Variants in SCLT1 observed in about 807,000 individuals in gnomAD.
SCLT1 encodes sodium channel and clathrin linker 1, also known as sodium channel-associated protein 1.
SCLT1 carries 78 observed loss-of-function variants against 112.8 expected under a neutral mutation model. The ratio of observed to expected loss-of-function variants is 0.69; its 90% CI spans 0.58 to 0.83. The LOEUF is 0.83. SCLT1 is among the 40% of genes least tolerant of loss of function. The probability of loss-of-function intolerance (pLI) is 0.00; values close to 1 mark genes in which losing one functional copy is unlikely to be tolerated. For missense variants in SCLT1, 747 were observed against 770.4 expected (o/e 0.97, Z 0.36); for synonymous variants, 257 against 254.7 (o/e 1.01, Z -0.09).
intron 1 of SCLT1, among the ~76,000 whole-genome samples, chr4:129,086,182 T>A (rs561039049): frequency 3.5e-4 from 54 of 152,178 alleles, no homozygotes; most frequent in Non-Finnish European, 6.5e-4. Flanking sequence ...CTTTCAATCT[T>A]CATAGATTGA....
intron 18 of SCLT1, among the ~76,000 whole-genome samples, chr4:128,933,174 C>CA (rs1186306864): frequency 6.6e-5 from 10 of 152,062 alleles, no homozygotes; most frequent in African/African-American, 2.4e-4. Flanking sequence ...TTGGAGGCTT[C>CA]ACACTAGGGC....
Position 128,884,189 on chromosome 4 carries a change from C to T in SCLT1, c.*288G>A, listed in dbSNP as rs1046362695. On this transcript the variant is annotated 3_prime_UTR_variant, in exon 21 of 21. Transcript: ENST00000281142. ...TGCATAGTTTGAAAATTATTATGTC[C>T]TTTCAAGGGAAAAAGGAGGAATTAA... 5 of 263,244 alleles carry T rather than the reference C, an allele frequency of 1.9e-5. No individual in the cohort carries two copies. The highest frequency in any genetic ancestry group is 1.4e-4 in the East Asian group (2 of 14,396). The allele number at this position is 263,244 out of a possible 1,614,324, so 16.3% of individuals were successfully genotyped here.
At chr4:128,884,717 G>A (rs1732759740) in intron 20 of SCLT1, among the ~76,000 whole-genome samples, 178 bp from the exon 21 acceptor site, 2 of 152,200 alleles carry the variant, frequency 1.3e-5, no homozygotes, top group Admixed American at 6.5e-5. Flanking sequence ...CTGGAGTACA[G>A]TGGTACAATC....
chr4:128,966,966 G>A (rs767279575), intron 10 of SCLT1, among the ~76,000 whole-genome samples: 19 of 151,858 alleles, frequency 1.3e-4, no homozygotes, highest in Non-Finnish European at 2.6e-4. Context: ...CCTAGGTAAT[G>A]AGCATAGTAC....
chr4:128,958,674 T>C (rs529260087), intron 12 of SCLT1, among the ~76,000 whole-genome samples: 307 of 152,308 alleles, frequency 2.0e-3, no homozygotes, highest in Non-Finnish European at 2.7e-3. Context: ...GATTTAGGTA[T>C]TCGACACAAT....
In SCLT1 at chr4:129,088,094, A is replaced by G. The variant is rs566814245; in HGVS notation, c.34+4976T>C. On this transcript the variant is annotated intron_variant, in intron 1 of 20. Transcript: ENST00000281142. The stretch of plus-strand genomic sequence containing the variant: ...AGAGGAAGATCCCGTCCCAAAAAGA[A>G]AAAAAAAAAGCTGAACACACTAAAA... Among the ~76,000 whole-genome samples the G allele has an allele frequency of 1.7e-4, 25 of 149,814 alleles. 1 individual carries two copies. In the South Asian group the frequency reaches 5.3e-3, roughly 32 times the overall value.
intron 9 of SCLT1, among the ~76,000 whole-genome samples, chr4:128,982,790 C>T (rs186790836): frequency 6.6e-6 from 1 of 152,116 alleles, no homozygotes; most frequent in African/African-American, 2.4e-5. Context: ...GCATGAGCTA[C>T]CGCACCTGGC....
intron 9 of SCLT1, among the ~76,000 whole-genome samples, chr4:128,980,409 T>G (rs1427824260): frequency 6.6e-6 from 1 of 152,172 alleles, no homozygotes; most frequent in African/African-American, 2.4e-5. Context: ...TAAAAAAGAT[T>G]AAAAATGAAC....
intron 4 of SCLT1, among the ~76,000 whole-genome samples, chr4:129,041,545 T>G (rs1432417183): frequency 5.9e-5 from 9 of 152,182 alleles, no homozygotes. Flanking sequence ...GCTCTAATCA[T>G]CTTATTCCCA....
intron 18 of SCLT1, among the ~76,000 whole-genome samples, chr4:128,919,272 C>G (rs562037266): frequency 6.6e-6 from 1 of 152,094 alleles, no homozygotes; most frequent in African/African-American, 2.4e-5. Flanking sequence ...AAGGAAATTG[C>G]TCATAATCAT....
rs374721141 is a variant in SCLT1 at position 128,946,174 on chromosome 4, T to C, written c.1294-22A>G. ...AAATCTGCAGAAAAGGCTTATTAGG[T>C]ATATAATATTACAGAAGAAACTGTC... On this transcript the variant is annotated intron_variant, in intron 15 of 20. Transcript: ENST00000281142. 5.2e-5 allele frequency: 80 copies of C among 1,524,136 alleles called. No individual in the cohort carries two copies. The African/African-American group carries it at 9.8e-4, about 19-fold the overall frequency. 94.4% of individuals were successfully genotyped at this position (1,524,136 alleles called of 1,614,324 possible). A position where few individuals can be genotyped will look rare whatever the true frequency, so the allele number is the denominator to read the frequency against.
intron 5 of SCLT1, among the ~76,000 whole-genome samples, chr4:129,016,919 T>C (rs1240720967): frequency 6.6e-6 from 1 of 152,244 alleles, no homozygotes; most frequent in Non-Finnish European, 1.5e-5. Context: ...GAAGCCTGAT[T>C]ACAGTACCTA....
Position 129,010,525 on chromosome 4 carries a change from T to C in SCLT1, c.291-6649A>G, listed in dbSNP as rs961816558. 3.9e-5 allele frequency among the ~76,000 whole-genome samples: 6 copies of C among 152,240 alleles called. No homozygotes were observed. The East Asian group carries it at 1.2e-3, about 29-fold the overall frequency. ...CTGGGCAGTATGACCATTTTTACAA[T>C]ATTGATGCTTTCTATCCATGAGCAT... On this transcript the variant is annotated intron_variant, in intron 5 of 20. Transcript: ENST00000281142.
chr4:128,940,832 T>G (rs1446594935), intron 17 of SCLT1, among the ~76,000 whole-genome samples: 1 of 152,080 alleles, frequency 6.6e-6, no homozygotes, highest in Non-Finnish European at 1.5e-5. Context: ...TGTTTCTAAT[T>G]TATTATAAAT....
At chr4:128,955,716 T>C (rs1320154480) in intron 13 of SCLT1, among the ~76,000 whole-genome samples, 2 of 152,186 alleles carry the variant, frequency 1.3e-5, no homozygotes, top group African/African-American at 4.8e-5. Flanking sequence ...TAATTTTAAT[T>C]TTCTTTTATA....
chr4:129,039,908 A>G lies in SCLT1; in HGVS notation c.235-812T>C, dbSNP rs903108882. ...GGAGAGTGTGCGCGCGCGCACACAC[A>G]CACACACACACACACACACACACAA... On this transcript the variant is annotated intron_variant, in intron 4 of 20. Coordinates refer to ENST00000281142, the MANE Select transcript of SCLT1 (RefSeq NM_144643.4). The G allele has an allele frequency of 2.7e-3, 789 of 296,132 alleles. 1 individual carries two copies. Among genetic ancestry groups the G allele is most frequent in the African/African-American group, 0.022 (694 of 31,912 alleles). 18.3% of individuals were successfully genotyped at this position (296,132 alleles called of 1,614,324 possible).
At chr4:128,958,260 C>T (rs557149031) in intron 12 of SCLT1, among the ~76,000 whole-genome samples, 1 of 152,220 alleles carries the variant, frequency 6.6e-6, no homozygotes, top group East Asian at 1.9e-4. Context: ...CCACCTTAAA[C>T]AAGTAAGCTA....
chr4:129,018,306 G>C (rs1745162265), intron 5 of SCLT1, among the ~76,000 whole-genome samples: 1 of 152,236 alleles, frequency 6.6e-6, no homozygotes, highest in South Asian at 2.1e-4. Context: ...AGGTGCAACA[G>C]ATGTTAAGCC....
At position 128,949,738 on chromosome 4, in the gene SCLT1, C is replaced by T. The variant is rs187786391; in HGVS notation, c.1219-1168G>A. Among the ~76,000 whole-genome samples, 175 of 151,232 alleles carry T rather than the reference C, an allele frequency of 1.2e-3. 2 individuals carry two copies. Among genetic ancestry groups the T allele is most frequent in the Admixed American group, 2.4e-3 (36 of 15,268 alleles). ...CCTTTTTTATGGCTGTATAGTATTC[C>T]ATGGTGTATATGTGCCACATTTTGT... On this transcript the variant is annotated intron_variant, in intron 14 of 20. Transcript: ENST00000281142.
Sources: allele counts gnomAD v4.1 joint callset (sites outside exome capture counted in the v4.1 genomes callset), GRCh38; gene constraint gnomAD v4.1.1; transcripts MANE v1.5; gene names NCBI Gene and HGNC (gene_info 2026-07-23, HGNC 2026-07-21).